SULT1C4: variants seen among roughly 807,000 people sequenced by gnomAD.
SULT1C4 encodes sulfotransferase family 1C member 4.
SULT1C4 carries 32 observed loss-of-function variants against 34.8 expected under a neutral mutation model. The observed-to-expected ratio is 0.92, with a 90% CI of 0.69 to 1.23. The LOEUF (loss-of-function observed/expected upper bound fraction) is 1.23, where lower values mean the gene tolerates loss of function less well. Among genes scored for constraint, SULT1C4 ranks in the 50% most tolerant of loss-of-function variants. SULT1C4 has a pLI of 0.00. For synonymous variants in SULT1C4, 111 were observed against 120.5 expected, an observed-to-expected ratio of 0.92 and a Z score of 0.51; for missense variants, 375 against 365.9, an observed-to-expected ratio of 1.02 and a Z score of -0.20.
At chr2:108,384,201 A>C (rs1558702153) in intron 5 of SULT1C4, among the ~76,000 whole-genome samples, 1 of 150,264 alleles carries the variant, frequency 6.7e-6, no homozygotes, top group African/African-American at 2.5e-5. Flanking sequence ...GAGGAACATA[A>C]TACTTTATTT....
At chr2:108,379,090 T>C (rs1451195681) in intron 1 of SULT1C4, among the ~76,000 whole-genome samples, 2 of 152,150 alleles carry the variant, frequency 1.3e-5, no homozygotes, top group Admixed American at 6.5e-5. Flanking sequence ...GTCATAAAAA[T>C]TGGGTGATGA....
rs542144432 is a variant in SULT1C4 at position 108,379,528 on chromosome 2, C to T, written c.169+1022C>T. On this transcript the variant is annotated intron_variant, in intron 1 of 6. Transcript: ENST00000272452. Reference sequence around the variant, plus strand: ...TGACAATTCCACTTGATTATCAATTCAATACATAAATAATCTTTTCTCTAT... The same window carrying T: ...TGACAATTCCACTTGATTATCAATTTAATACATAAATAATCTTTTCTCTAT... Among the ~76,000 whole-genome samples the T allele has an allele frequency of 2.0e-5, 3 of 152,252 alleles. No individual in the cohort carries two copies. In the South Asian group the frequency reaches 6.2e-4, roughly 32 times the overall value.
rs1678459654 is a variant in SULT1C4, at chr2:108,383,073, C to T, written c.394-20C>T. ...CCTGTTTTTTTGCTTCTTCCCTTCC[C>T]CTCCCCTCATCATTCCCAGATAATC... is the stretch of plus-strand genomic sequence containing the variant. On this transcript the variant is annotated intron_variant, in intron 3 of 6. Transcript: ENST00000272452. 1 of 1,547,910 alleles carries T rather than the reference C, an allele frequency of 6.5e-7. No individual in the cohort carries two copies. The highest frequency in any genetic ancestry group is 1.4e-5 in the African/African-American group (1 of 71,622).
Position 108,378,128 on chromosome 2 carries a change from A to ACT in SULT1C4, c.-210_-209insCT. ...TCCTCAGGAAACTGCCAGTGGACAA[A>ACT]GTCATAAACAAGAGTTCCAGTTCCC... On this transcript the variant is annotated 5_prime_UTR_variant, in exon 1 of 7. Coordinates refer to ENST00000272452, the MANE Select transcript of SULT1C4 (RefSeq NM_006588.4). The ACT allele has an allele frequency of 2.5e-6, 1 of 399,884 alleles. No individual in the cohort carries two copies. Among genetic ancestry groups the ACT allele is most frequent in the South Asian group, 5.4e-5 (1 of 18,408 alleles). The allele number at this position is 399,884 out of a possible 1,614,324, so 24.8% of individuals were successfully genotyped here. A position where few individuals can be genotyped will look rare whatever the true frequency, so the allele number is the denominator to read the frequency against.
chr2:108,380,163 G>C (rs941118615), intron 1 of SULT1C4, among the ~76,000 whole-genome samples: 1 of 152,154 alleles, frequency 6.6e-6, no homozygotes, highest in Non-Finnish European at 1.5e-5. Context: ...ATGGGAAAAG[G>C]AATCTATAGA....
At chr2:108,382,006 T>C (rs1009375498) in intron 2 of SULT1C4, 119 bp downstream of exon 2, 58 of 1,210,976 alleles carry the variant, frequency 4.8e-5, no homozygotes, top group Non-Finnish European at 6.2e-5. Flanking sequence ...CATGGTTTTG[T>C]CTTTTTTTAA....
rs779704419 is a variant in SULT1C4 at position 108,383,103 on chromosome 2, T to A, written c.404T>A (p.Val135Glu). ...LLEKNCKIIYVARNPKDNMVS... is the reference protein window; with the variant it reads ...LLEKNCKIIYEARNPKDNMVS... ...CCTCATCATTCCCAGATAATCTATG[T>A]AGCAAGAAATCCCAAGGACAACATG... is the stretch of plus-strand genomic sequence containing the variant. Residue 135 changes from valine to glutamate, a missense_variant, in exon 4 of 7, where the codon GTA becomes GAA. By Grantham distance (121) the Val-to-Glu change is moderately radical. Transcript: ENST00000272452. The A allele has an allele frequency of 1.3e-6, 2 of 1,594,222 alleles. No homozygotes were observed. Among genetic ancestry groups the A allele is most frequent in the Non-Finnish European group, 1.7e-6 (2 of 1,172,296 alleles).
Position 108,378,517 on chromosome 2 carries a change from G to T in SULT1C4, c.169+11G>T, listed in dbSNP as rs766989685. 6.2e-7 allele frequency: 1 copy of T among 1,612,164 alleles called. No homozygotes were observed. Among genetic ancestry groups the T allele is most frequent in the Admixed American group, 1.7e-5 (1 of 59,740 alleles). ...CCTATCCTAAAGCAGGTAGGTGGAA[G>T]GGCTTGCAGGGGAAGGGGAAGAGGA... On this transcript the variant is annotated intron_variant, in intron 1 of 6. Transcript: ENST00000272452.
Position 108,381,778 on chromosome 2 carries a change from G to A in SULT1C4, c.186G>A (p.Gln62=), listed in dbSNP as rs562935030. ...TYPKAGTTWT[Q]EIVELIQNEG... ...GCACGTAAGGAACAACATGGACTCA[G>A]GAGATAGTGGAATTAATACAAAATG... The change falls in exon 2 of 7, where the codon CAG becomes CAA. Residue 62 remains glutamine, a synonymous_variant. Coordinates refer to ENST00000272452, the MANE Select transcript of SULT1C4 (RefSeq NM_006588.4). 3 of 1,431,116 alleles carry A rather than the reference G, an allele frequency of 2.1e-6. No individual in the cohort carries two copies. The highest frequency in any genetic ancestry group is 1.8e-5 in the South Asian group (1 of 56,228). 88.7% of individuals were successfully genotyped at this position (1,431,116 alleles called of 1,614,324 possible). A position where few individuals can be genotyped will look rare whatever the true frequency, so the allele number is the denominator to read the frequency against.
chr2:108,382,059 A>AT, intron 2 of SULT1C4, 172 bp downstream of exon 2: 1 of 726,974 alleles, frequency 1.4e-6, no homozygotes, highest in Non-Finnish European at 2.0e-6. Flanking sequence ...TTCTAATGGA[A>AT]TTACTGTTTG....
At chr2:108,381,665 A>C in intron 1 of SULT1C4, 97 bp from the exon 2 acceptor site, 1 of 1,274,424 alleles carries the variant, frequency 7.8e-7, no homozygotes, top group East Asian at 2.9e-5. Flanking sequence ...AAACAAAACA[A>C]AACAAAAGAC....
intron 5 of SULT1C4, 99 bp from the exon 6 acceptor site, chr2:108,386,093 G>T: frequency 1.0e-6 from 1 of 959,704 alleles, no homozygotes; most frequent in Admixed American, 3.8e-5. Flanking sequence ...TTTTATTTTA[G>T]CTCGTAATAT....
chr2:108,384,474 G>A (rs538841005), intron 5 of SULT1C4, among the ~76,000 whole-genome samples: 502 of 152,166 alleles, frequency 3.3e-3, no homozygotes, highest in Non-Finnish European at 5.7e-3. Flanking sequence ...TGATCTGCCC[G>A]CCTCGGCCTC....
At chr2:108,379,574 G>C (rs1436972056) in intron 1 of SULT1C4, among the ~76,000 whole-genome samples, 1 of 152,078 alleles carries the variant, frequency 6.6e-6, no homozygotes, top group Non-Finnish European at 1.5e-5. Flanking sequence ...CAAGTACAAA[G>C]ATATGGTTCA....
chr2:108,379,249 A>G (rs1678326589), intron 1 of SULT1C4, among the ~76,000 whole-genome samples: 1 of 152,238 alleles, frequency 6.6e-6, no homozygotes, highest in Non-Finnish European at 1.5e-5. Context: ...ACAAACACAC[A>G]CACATCAAAA....
intron 6 of SULT1C4, 79 bp downstream of exon 6, chr2:108,386,451 T>C: frequency 3.7e-6 from 4 of 1,087,394 alleles, no homozygotes; most frequent in Non-Finnish European, 4.9e-6. Context: ...TTCTTTCCTG[T>C]GTCTAGGAAA....
intron 5 of SULT1C4, among the ~76,000 whole-genome samples, chr2:108,384,651 T>C (rs1354953931): frequency 6.6e-6 from 1 of 152,250 alleles, no homozygotes; most frequent in Non-Finnish European, 1.5e-5. Context: ...AAATTAGTTT[T>C]CTTAAATGTA....
In SULT1C4 at chr2:108,386,545, T is replaced by G. The variant is rs11569694; in HGVS notation, c.796+173T>G. Among the ~76,000 whole-genome samples, 926 of 152,312 alleles carry G rather than the reference T, an allele frequency of 6.1e-3. 13 individuals are homozygous for G. Among genetic ancestry groups the G allele is most frequent in the African/African-American group, 0.021 (887 of 41,558 alleles). On this transcript the variant is annotated intron_variant, in intron 6 of 6. Transcript: ENST00000272452. ...ATGAAAATCGCGTTTAATTAGCCAA[T>G]TATTATTAAGATTAAGAGAGTAAGA...
intron 6 of SULT1C4, 90 bp from the exon 7 acceptor site, chr2:108,387,230 G>GCATAGAAATCAT: frequency 1.0e-6 from 1 of 976,988 alleles, no homozygotes. Flanking sequence ...CTAGAACATG[G>GCATAGAAATCAT]CATAGAAATC....
Sources: gnomAD v4.1 joint callset for allele counts (sites outside exome capture counted in the v4.1 genomes callset) on GRCh38, gnomAD v4.1.1 for gene constraint, MANE v1.5 for transcripts, NCBI Gene and HGNC (gene_info 2026-07-23, HGNC 2026-07-21) for gene names.